The following VPS13C variants were observed in gnomAD, a reference collection of about 807,000 sequenced individuals.
VPS13C encodes vacuolar protein sorting 13 homolog C, also known as intermembrane lipid transfer protein VPS13C.
Under a neutral mutation model 456.8 loss-of-function variants are expected in VPS13C, and 358 were observed. That is an observed-to-expected ratio of 0.78 (90% CI 0.72 to 0.86). The LOEUF is 0.86. Ranked by LOEUF, VPS13C falls within the 40% of genes least tolerant of loss-of-function variation. VPS13C has a pLI of 0.00. For missense variants in VPS13C, 4,818 were observed against 4,385.4 expected (o/e 1.10, Z -2.79); for synonymous variants, 1,578 against 1,486.7 (o/e 1.06, Z -1.41).
At position 61,925,558 on chromosome 15, in the gene VPS13C, G is replaced by A; in HGVS notation, c.6517-10C>T. 1 of 1,555,802 alleles carries A rather than the reference G, an allele frequency of 6.4e-7. No homozygotes were observed. On this transcript the variant is annotated splice_polypyrimidine_tract_variant and intron_variant, in intron 52 of 84. Coordinates refer to ENST00000644861, the MANE Select transcript of VPS13C (RefSeq NM_020821.3). ...AACAGGGCTGCAAGACCTATAAACA[G>A]ATAAATGAAATTCACATTTCCATAG...
At chr15:61,998,582 G>C (rs984994025) in intron 16 of VPS13C, among the ~76,000 whole-genome samples, 1 of 152,132 alleles carries the variant, frequency 6.6e-6, no homozygotes, top group Non-Finnish European at 1.5e-5. Context: ...AGGAAACTAA[G>C]GCACAGAGGG....
At position 61,974,541 on chromosome 15, in the gene VPS13C, T is replaced by G. The variant is rs1424513381; in HGVS notation, c.2409-124A>C. 4.2e-6 allele frequency: 4 copies of G among 942,280 alleles called. No individual in the cohort carries two copies. The Admixed American group carries it at 1.2e-4, about 29-fold the overall frequency. The allele number at this position is 942,280 out of a possible 1,614,324, so 58.4% of individuals were successfully genotyped here. On this transcript the variant is annotated intron_variant, in intron 24 of 84. Coordinates refer to ENST00000644861, the MANE Select transcript of VPS13C (RefSeq NM_020821.3). ...TTGACATGTTTTAATCTAATTACAC[T>G]AATGCCTCATTTAGACAACATTGTC...
rs562944895 is a variant in VPS13C, at chr15:61,985,639, G to A, written c.1579-640C>T. ...AAGATTCAATTCAGCAGCTTTTTCT[G>A]AAACAAACTAAGTATTTCAGAATAA... On this transcript the variant is annotated intron_variant, in intron 18 of 84. Coordinates refer to ENST00000644861, the MANE Select transcript of VPS13C (RefSeq NM_020821.3). 9.9e-5 allele frequency among the ~76,000 whole-genome samples: 15 copies of A among 152,254 alleles called. No individual in the cohort carries two copies. The East Asian group carries it at 2.7e-3, about 27-fold the overall frequency.
intron 81 of VPS13C, chr15:61,865,918 A>G (rs941425742): frequency 1.0e-5 from 10 of 980,438 alleles, no homozygotes; most frequent in South Asian, 4.7e-5. Context: ...TACTTAGGAG[A>G]AAAAGGAACA....
intron 60 of VPS13C, 54 bp downstream of exon 60, chr15:61,917,287 A>G: frequency 1.9e-6 from 3 of 1,552,434 alleles, no homozygotes; most frequent in Non-Finnish European, 2.6e-6. Context: ...ATAAAACAAA[A>G]TCAGAATTTA....
chr15:61,863,565 T>C (rs764295730), intron 81 of VPS13C, 37 bp from the exon 82 acceptor site: 4 of 1,439,284 alleles, frequency 2.8e-6, no homozygotes, highest in Non-Finnish European at 3.9e-6. Context: ...TGGGAAGTTA[T>C]GCATTTAAGT....
intron 49 of VPS13C, among the ~76,000 whole-genome samples, chr15:61,932,170 G>A (rs2044081123): frequency 6.6e-6 from 1 of 152,178 alleles, no homozygotes; most frequent in Admixed American, 6.5e-5. Context: ...TAAAAGCTCA[G>A]AGAGGTTGAA....
intron 9 of VPS13C, among the ~76,000 whole-genome samples, chr15:62,015,736 T>C (rs1440109932): frequency 1.7e-5 from 2 of 116,024 alleles, no homozygotes; most frequent in Non-Finnish European, 1.7e-5. Flanking sequence ...TGAGATCACA[T>C]GGACACAGGA....
At chr15:61,948,492 C>T (rs184622386) in intron 42 of VPS13C, among the ~76,000 whole-genome samples, 1 of 151,882 alleles carries the variant, frequency 6.6e-6, no homozygotes, top group African/African-American at 2.4e-5. Context: ...GACCAGCCTG[C>T]GCAACATGGT....
In VPS13C at chr15:61,942,005, T is replaced by G; in HGVS notation, c.5211A>C (p.Ala1737=). ...EALSTATVQA[A]ERAASSMKDL... is the part of the protein sequence containing the mutation. ...CTTTCATGCTGGAAGCAGCTCTTTC[T>G]GCAGCCTGGACTGTGGCTGTACTCA... The change falls in exon 46 of 85, where the codon GCA becomes GCC. Residue 1737 remains alanine (A), a synonymous_variant. Transcript: ENST00000644861. 1 of 1,614,060 alleles carries G rather than the reference T, an allele frequency of 6.2e-7. No individual in the cohort carries two copies.
At chr15:61,875,538 G>A (rs1237475152) in intron 76 of VPS13C, among the ~76,000 whole-genome samples, 194 bp downstream of exon 76, 3 of 151,844 alleles carry the variant, frequency 2.0e-5, no homozygotes, top group Admixed American at 2.0e-4. Context: ...TGTGGGCAGC[G>A]CTCATTAAAT....
At chr15:62,046,825 T>G (rs1185530790) in intron 1 of VPS13C, among the ~76,000 whole-genome samples, 1 of 152,224 alleles carries the variant, frequency 6.6e-6, no homozygotes. Flanking sequence ...ATGTGAAATG[T>G]TGAAAACTAC....
chr15:61,869,181 G>T (rs7164970), intron 80 of VPS13C, among the ~76,000 whole-genome samples: 1 of 145,060 alleles, frequency 6.9e-6, no homozygotes, highest in East Asian at 2.1e-4. Flanking sequence ...GCAGTGGCAC[G>T]ATCTCAGCTC....
intron 1 of VPS13C, among the ~76,000 whole-genome samples, chr15:62,049,063 C>A (rs2048528874): frequency 6.6e-6 from 1 of 151,576 alleles, no homozygotes; most frequent in Non-Finnish European, 1.5e-5. Context: ...TGCCTGTTCA[C>A]TCTGATGGTA....
chr15:61,980,029 C>T lies in VPS13C; in HGVS notation c.2167-1280G>A, dbSNP rs543734519. ...TGAAACCCCGTCTCTACTAAAAATACAAAAATTATCCAGGTGTGGGGGTGC... is the reference window on the plus strand; with the variant it reads ...TGAAACCCCGTCTCTACTAAAAATATAAAAATTATCCAGGTGTGGGGGTGC... On this transcript the variant is annotated intron_variant, in intron 22 of 84. Transcript: ENST00000644861. Among the ~76,000 whole-genome samples the T allele has an allele frequency of 2.6e-5, 4 of 151,268 alleles. No individual in the cohort carries two copies. The South Asian group carries it at 6.3e-4, about 24-fold the overall frequency.
rs1368914627 is a variant in VPS13C, at chr15:61,972,715, A to G, written c.2667T>C (p.Cys889=). 1.9e-6 allele frequency: 3 copies of G among 1,613,056 alleles called. No individual in the cohort carries two copies. Among genetic ancestry groups the G allele is most frequent in the African/African-American group, 1.3e-5 (1 of 74,914 alleles). Reference sequence around the variant, plus strand: ...TAAGTTCTGATCCTTTCATACTTTTACAAGTCTGTGGTTCTCCATCTTCAG... The same window carrying G: ...TAAGTTCTGATCCTTTCATACTTTTGCAAGTCTGTGGTTCTCCATCTTCAG... ...FDAEDGEPQT[C]KSMKGSELKK... is the part of the protein sequence containing the mutation. The change falls in exon 27 of 85, where the codon TGT becomes TGC. Residue 889 remains cysteine (C), a synonymous_variant. Transcript: ENST00000644861.
chr15:61,920,303 A>G lies in VPS13C; in HGVS notation c.7241T>C (p.Phe2414Ser), dbSNP rs1333284849. Residue 2414 changes from phenylalanine to serine, a missense_variant, in exon 57 of 85, where the codon TTT becomes TCT. Phe to Ser is a radical substitution (Grantham distance 155, BLOSUM62 -2). Coordinates refer to ENST00000644861, the MANE Select transcript of VPS13C (RefSeq NM_020821.3). ...KGFSEGTAST[F>S]DYSLKDRAPF... The stretch of plus-strand genomic sequence containing the variant: ...AGCTCTGTCCTTTAAAGAGTAGTCA[A>G]AAGTAGAAGCAGTGCCCTCTGAAAA... 7 of 1,608,588 alleles carry G rather than the reference A, an allele frequency of 4.4e-6. No individual in the cohort carries two copies. Among genetic ancestry groups the G allele is most frequent in the Admixed American group, 1.7e-5 (1 of 59,834 alleles).
intron 54 of VPS13C, 35 bp from the exon 55 acceptor site, chr15:61,922,068 T>G (rs758155240): frequency 6.3e-7 from 1 of 1,595,860 alleles, no homozygotes; most frequent in South Asian, 1.1e-5. Context: ...AAGACAGTCC[T>G]TTGGCTTTAA....
intron 68 of VPS13C, 126 bp downstream of exon 68, chr15:61,884,002 A>G (rs1461470556): frequency 3.9e-6 from 3 of 776,148 alleles, no homozygotes; most frequent in Middle Eastern, 3.8e-4. Flanking sequence ...TTAAGAAATA[A>G]AAGTTTATCT....
Sources: gnomAD v4.1 joint callset for allele counts (sites outside exome capture counted in the v4.1 genomes callset) on GRCh38, gnomAD v4.1.1 for gene constraint, MANE v1.5 for transcripts, NCBI Gene and HGNC (gene_info 2026-07-23, HGNC 2026-07-21) for gene names.